Variants in CCDC12 observed in about 807,000 individuals in gnomAD.
The protein encoded by CCDC12 is coiled-coil domain-containing protein 12.
Under a neutral mutation model 25.7 loss-of-function variants are expected in CCDC12, and 28 were observed. The observed-to-expected ratio is 1.09, with a 90% CI of 0.81 to 1.50. The LOEUF is 1.50. Ranked by LOEUF, CCDC12 falls within the 40% of genes most tolerant of loss-of-function variation. The probability of loss-of-function intolerance (pLI) is 0.00; values close to 1 mark genes in which losing one functional copy is unlikely to be tolerated. For synonymous variants in CCDC12, 75 were observed against 87.7 expected (o/e 0.86, Z 0.81); for missense variants, 198 against 210.0 (o/e 0.94, Z 0.35).
At chr3:46,922,833 C>T (rs17079301) in intron 5 of CCDC12, 6,462 of 180,026 alleles carry the variant, frequency 0.036, 436 homozygotes, top group African/African-American at 0.14. Flanking sequence ...TATAGCTCTA[C>T]CTCCGGCTCA....
intron 1 of CCDC12, among the ~76,000 whole-genome samples, chr3:46,959,201 T>C (rs574436287): frequency 1.2e-4 from 2 of 16,996 alleles, no homozygotes; most frequent in Non-Finnish European, 1.8e-3. Context: ...ACACTTCCTT[T>C]AGCTACAAAG....
intron 2 of CCDC12, among the ~76,000 whole-genome samples, chr3:46,933,972 T>C (rs775615426): frequency 1.3e-5 from 2 of 151,348 alleles, no homozygotes; most frequent in South Asian, 2.1e-4. Flanking sequence ...TCCACTGGAG[T>C]GCAGTGGAGC....
intron 1 of CCDC12, among the ~76,000 whole-genome samples, chr3:46,958,243 G>C (rs2034358702): frequency 6.6e-6 from 1 of 152,186 alleles, no homozygotes; most frequent in Non-Finnish European, 1.5e-5. Context: ...GATTTAGCAG[G>C]AGACAAGATA....
At chr3:46,980,256 C>T (rs1377091685), upstream of CCDC12, among the ~76,000 whole-genome samples, 2 of 152,146 alleles carry the variant, frequency 1.3e-5, no homozygotes, top group African/African-American at 4.8e-5. Context: ...GAAACTGAGA[C>T]CTGGAGAGAC....
intron 1 of CCDC12, among the ~76,000 whole-genome samples, chr3:46,974,569 G>GCTAA (rs10648724): frequency 0.95 from 143,721 of 152,058 alleles, 68,484 homozygotes; most frequent in East Asian, 1. Context: ...CAATTTAGGG[G>GCTAA]CTGTCTGATA....
chr3:46,959,033 G>A (rs2034384688), intron 1 of CCDC12, among the ~76,000 whole-genome samples: 1 of 134,622 alleles, frequency 7.4e-6, no homozygotes, highest in Admixed American at 7.8e-5. Flanking sequence ...TTCTTGGAGT[G>A]TCACAATCTG....
chr3:46,961,118 A>C (rs2034450177), intron 1 of CCDC12, among the ~76,000 whole-genome samples: 1 of 151,816 alleles, frequency 6.6e-6, no homozygotes, highest in African/African-American at 2.4e-5. Flanking sequence ...GATGCACTGT[A>C]GGCAGGGGGC....
intron 3 of CCDC12, 50 bp from the exon 4 acceptor site, chr3:46,923,718 TC>T (rs2032809233): frequency 7.1e-7 from 1 of 1,413,932 alleles, no homozygotes; most frequent in Non-Finnish European, 9.4e-7. Flanking sequence ...GCGCTGCCAC[TC>T]TGCAGGGACA....
chr3:46,941,563 T>A (rs2033710157), intron 1 of CCDC12, among the ~76,000 whole-genome samples: 2 of 14,104 alleles, frequency 1.4e-4, no homozygotes, highest in Admixed American at 2.2e-3. Flanking sequence ...AGACTCCATC[T>A]CAAAAAAAAA....
intron 5 of CCDC12, 112 bp from the exon 6 acceptor site, chr3:46,922,424 A>AG: frequency 8.4e-7 from 1 of 1,194,980 alleles, no homozygotes; most frequent in Non-Finnish European, 1.2e-6. Context: ...CGGTTGCTGG[A>AG]GGGGGCTGCC....
intron 1 of CCDC12, among the ~76,000 whole-genome samples, chr3:46,964,331 G>A (rs1013906284): frequency 6.7e-6 from 1 of 148,556 alleles, no homozygotes; most frequent in Non-Finnish European, 1.5e-5. Flanking sequence ...GGAGGGAGGT[G>A]GGGGGTCAGC....
At chr3:46,949,869 C>T (rs988353630) in intron 1 of CCDC12, among the ~76,000 whole-genome samples, 17 of 151,940 alleles carry the variant, frequency 1.1e-4, no homozygotes, top group African/African-American at 3.6e-4. Context: ...TTTACTAAAA[C>T]TACAAAAATT....
intron 1 of CCDC12, chr3:46,976,297 C>G: frequency 1.7e-6 from 2 of 1,175,230 alleles, no homozygotes; most frequent in Non-Finnish European, 2.1e-6. Context: ...AGGAACGGAA[C>G]AAATCACGCC....
At chr3:46,953,813 G>T (rs72905900) in intron 1 of CCDC12, among the ~76,000 whole-genome samples, 10,402 of 152,114 alleles carry the variant, frequency 0.068, 1,190 homozygotes, top group African/African-American at 0.23. Flanking sequence ...CTCCATTACT[G>T]GGGGGCTAAA....
At chr3:46,963,993 T>C (rs1346399096) in intron 1 of CCDC12, among the ~76,000 whole-genome samples, 1 of 143,408 alleles carries the variant, frequency 7.0e-6, no homozygotes, top group East Asian at 2.1e-4. Flanking sequence ...CCGGCCGCCA[T>C]CCCATCTAGG....
chr3:46,967,699 T>A (rs1026297517), intron 1 of CCDC12, among the ~76,000 whole-genome samples: 1 of 152,188 alleles, frequency 6.6e-6, no homozygotes, highest in African/African-American at 2.4e-5. Context: ...AAGGAGGAAG[T>A]CTTGTTCATA....
chr3:46,922,919 A>G, intron 5 of CCDC12: 1 of 179,406 alleles, frequency 5.6e-6, no homozygotes, highest in East Asian at 1.5e-4. Context: ...AAGAAGGATG[A>G]CGACCTCCAT....
intron 1 of CCDC12, among the ~76,000 whole-genome samples, chr3:46,961,564 C>T (rs548160387): frequency 6.6e-6 from 1 of 152,322 alleles, no homozygotes; most frequent in Non-Finnish European, 1.5e-5. Context: ...TGCACAAAGC[C>T]TAAGGGGCTC....
chr3:46,949,924 G>A (rs1340707814), intron 1 of CCDC12, among the ~76,000 whole-genome samples: 4 of 151,844 alleles, frequency 2.6e-5, no homozygotes, highest in African/African-American at 9.7e-5. Context: ...CTACTCGGGA[G>A]GCTGAGGCAG....
Sources: gnomAD v4.1 joint callset for allele counts (sites outside exome capture counted in the v4.1 genomes callset) on GRCh38, gnomAD v4.1.1 for gene constraint, MANE v1.5 for transcripts, NCBI Gene and HGNC (gene_info 2026-07-23, HGNC 2026-07-21) for gene names.